DDC: variants seen among roughly 807,000 people sequenced by gnomAD.
DDC encodes aromatic-L-amino-acid decarboxylase.
A neutral mutation model predicts 60.0 loss-of-function variants in DDC; 43 were observed. The observed-to-expected ratio is 0.72, with a 90% CI of 0.56 to 0.92. The LOEUF is 0.92. Ranked by LOEUF, DDC falls within the 40% of genes least tolerant of loss-of-function variation. The probability of loss-of-function intolerance (pLI) is 0.00; values close to 1 mark genes in which losing one functional copy is unlikely to be tolerated. For synonymous variants in DDC, 232 were observed against 234.6 expected, an observed-to-expected ratio of 0.99 and a Z score of 0.10; for missense variants, 573 against 620.2, an observed-to-expected ratio of 0.92 and a Z score of 0.81.
chr7:50,461,121 A>G (rs1368281087), intron 14 of DDC, among the ~76,000 whole-genome samples: 1 of 152,166 alleles, frequency 6.6e-6, no homozygotes, highest in Non-Finnish European at 1.5e-5. Flanking sequence ...TTATTTGAAT[A>G]TAAAGAACGA....
rs2044859812 is a variant in DDC at position 50,547,909 on chromosome 7, T to A, written c.-28-3796A>T. ...ATAGAAGGTTTGTGACAACCCTGAA[T>A]CCAGCAAGTCTATAGGCACAATGTT... On this transcript the variant is annotated intron_variant, in intron 1 of 14. Transcript: ENST00000444124. Among the ~76,000 whole-genome samples the A allele has an allele frequency of 4.6e-5, 7 of 152,342 alleles. No homozygotes were observed. The South Asian group carries it at 1.5e-3, about 32-fold the overall frequency.
At chr7:50,503,420 C>T (rs2043306122) in intron 7 of DDC, among the ~76,000 whole-genome samples, 1 of 152,190 alleles carries the variant, frequency 6.6e-6, no homozygotes, top group Admixed American at 6.5e-5. Flanking sequence ...ATCCTAGTCT[C>T]AATGAGAAAA....
chr7:50,463,983 T>A (rs4947535), intron 13 of DDC, among the ~76,000 whole-genome samples: 100,629 of 151,608 alleles, frequency 0.66, 33,658 homozygotes, highest in Admixed American at 0.74. Context: ...TACACTAGAG[T>A]TGGAAGCCTG....
At chr7:50,476,571 AGC>A (rs760610161) in intron 11 of DDC, 51 bp downstream of exon 11, 8 of 1,534,014 alleles carry the variant, frequency 5.2e-6, no homozygotes, top group Non-Finnish European at 7.2e-6. Flanking sequence ...GCTGTGGCGT[AGC>A]CCCCCAGCAC....
chr7:50,556,155 C>G (rs1024441485), intron 1 of DDC, among the ~76,000 whole-genome samples: 4 of 152,120 alleles, frequency 2.6e-5, no homozygotes, highest in Admixed American at 2.6e-4. Flanking sequence ...GAGGTGAGAC[C>G]GTGGCCAAGC....
At chr7:50,551,391 C>T (rs1487169092) in intron 1 of DDC, among the ~76,000 whole-genome samples, 8 of 151,938 alleles carry the variant, frequency 5.3e-5, no homozygotes, top group African/African-American at 9.7e-5. Flanking sequence ...CCACCATGCC[C>T]GGCTATTTTT....
At chr7:50,560,751 G>T (rs2045325399) in intron 1 of DDC, among the ~76,000 whole-genome samples, 1 of 152,274 alleles carries the variant, frequency 6.6e-6, no homozygotes, top group South Asian at 2.1e-4. Flanking sequence ...CAGATTCTCT[G>T]CCTGACCTGT....
intron 9 of DDC, among the ~76,000 whole-genome samples, chr7:50,484,941 T>C (rs2042850925): frequency 6.6e-6 from 1 of 152,190 alleles, no homozygotes; most frequent in East Asian, 1.9e-4. Context: ...TTCCCAGATC[T>C]AAGTGCAAAG....
intron 9 of DDC, chr7:50,492,809 G>T (rs1444860077): frequency 2.0e-6 from 3 of 1,491,396 alleles, no homozygotes; most frequent in South Asian, 2.6e-5. Flanking sequence ...AACCCCGAGC[G>T]CCGGGGAAGA....
chr7:50,466,897 C>T (rs930802392), intron 13 of DDC, among the ~76,000 whole-genome samples: 3 of 152,218 alleles, frequency 2.0e-5, no homozygotes, highest in East Asian at 1.9e-4. Flanking sequence ...ATGGACAGGC[C>T]GCTGTCCTCC....
intron 14 of DDC, among the ~76,000 whole-genome samples, chr7:50,462,430 C>T (rs1287750050): frequency 1.3e-5 from 2 of 152,160 alleles, no homozygotes; most frequent in African/African-American, 2.4e-5. Context: ...TGCATGCTGT[C>T]TCCAGGGTTT....
chr7:50,552,488 C>T (rs1585284820), intron 1 of DDC, among the ~76,000 whole-genome samples: 1 of 152,168 alleles, frequency 6.6e-6, no homozygotes, highest in African/African-American at 2.4e-5. Flanking sequence ...GGCTCAATGT[C>T]TTTTTGCATC....
intron 1 of DDC, among the ~76,000 whole-genome samples, chr7:50,562,968 A>T (rs576212581): frequency 6.6e-6 from 1 of 152,232 alleles, no homozygotes; most frequent in Admixed American, 6.5e-5. Context: ...GGAGTTCGAG[A>T]CCACCCTGGC....
intron 14 of DDC, among the ~76,000 whole-genome samples, chr7:50,462,226 C>CAAAAAAAAAAAAAAAAAAAAAAAAAAA (rs11410259): frequency 1.3e-5 from 1 of 75,380 alleles, no homozygotes; most frequent in Non-Finnish European, 2.4e-5. Flanking sequence ...GACAAAAAGA[C>CAAAAAAAAAAAAAAAAAAAAAAAAAAA]AAAAAAAAAA....
At chr7:50,499,936 C>T (rs540905491) in intron 7 of DDC, among the ~76,000 whole-genome samples, 156 of 152,330 alleles carry the variant, frequency 1.0e-3, no homozygotes, top group Middle Eastern at 3.4e-3. Context: ...CTCCAAGCCT[C>T]ACTCTCCTCC....
intron 6 of DDC, among the ~76,000 whole-genome samples, chr7:50,518,432 G>A (rs936973924): frequency 2.6e-5 from 4 of 152,054 alleles, no homozygotes; most frequent in African/African-American, 9.7e-5. Flanking sequence ...CATAGTCAAA[G>A]CAAGACTAAG....
At chr7:50,462,765 C>CTTTTTTTTTT (rs1554411017) in intron 14 of DDC, among the ~76,000 whole-genome samples, 1 of 125,546 alleles carries the variant, frequency 8.0e-6, no homozygotes, top group African/African-American at 3.2e-5. Context: ...TTCTCTTCTT[C>CTTTTTTTTTT]TTGTTTTTTT....
At chr7:50,524,624 T>C (rs2043990542) in intron 6 of DDC, among the ~76,000 whole-genome samples, 1 of 152,194 alleles carries the variant, frequency 6.6e-6, no homozygotes, top group Admixed American at 6.5e-5. Context: ...AACATATTAA[T>C]GCATATCTAT....
At chr7:50,468,473 G>C (rs546559775) in intron 12 of DDC, among the ~76,000 whole-genome samples, 1 of 152,122 alleles carries the variant, frequency 6.6e-6, no homozygotes, top group Non-Finnish European at 1.5e-5. Flanking sequence ...GGGTAGAGGG[G>C]GATTTCCTAC....
Sources: gnomAD v4.1 joint callset for allele counts (sites outside exome capture counted in the v4.1 genomes callset) on GRCh38, gnomAD v4.1.1 for gene constraint, MANE v1.5 for transcripts, NCBI Gene and HGNC (gene_info 2026-07-23, HGNC 2026-07-21) for gene names.